Variants in OIT3 observed in about 807,000 individuals in gnomAD.
OIT3 encodes the protein oncoprotein-induced transcript 3 protein.
In OIT3, 41 loss-of-function variants were observed where a neutral mutation model predicts 52.2. That is an observed-to-expected ratio of 0.79 (90% CI 0.61 to 1.02). The LOEUF (loss-of-function observed/expected upper bound fraction) is 1.02, where lower values mean the gene tolerates loss of function less well. OIT3 is among the 50% of genes least tolerant of loss of function. The pLI is 0.00. For synonymous variants in OIT3, 244 were observed against 276.9 expected (o/e 0.88, Z 1.18); for missense variants, 634 against 715.5 (o/e 0.89, Z 1.30).
intron 5 of OIT3, among the ~76,000 whole-genome samples, chr10:72,912,838 A>G (rs1330657143): frequency 6.6e-6 from 1 of 152,160 alleles, no homozygotes; most frequent in African/African-American, 2.4e-5. Flanking sequence ...CAATGCAAGG[A>G]CAATTTGGAA....
chr10:72,897,999 TC>T (rs1221459172), intron 1 of OIT3, among the ~76,000 whole-genome samples: 1 of 151,916 alleles, frequency 6.6e-6, no homozygotes, highest in East Asian at 1.9e-4. Context: ...AAATACAGTC[TC>T]CGGCCGAGCA....
chr10:72,929,588 T>A (rs1846197988), intron 7 of OIT3, among the ~76,000 whole-genome samples: 1 of 151,916 alleles, frequency 6.6e-6, no homozygotes, highest in African/African-American at 2.4e-5. Context: ...TTTTTTTTTT[T>A]TAGAGACAAG....
rs1403264669 is a variant in OIT3 at position 72,932,345 on chromosome 10, T to G, written c.1468-9T>G. On this transcript the variant is annotated splice_polypyrimidine_tract_variant and intron_variant, in intron 8 of 8. Transcript: ENST00000334011. ...TTGTTTTTATTAACAGTCGTGATCATCTCTTCAGGAAGTGTTTCTGCACTG... is the reference window on the plus strand; with the variant it reads ...TTGTTTTTATTAACAGTCGTGATCAGCTCTTCAGGAAGTGTTTCTGCACTG... 1 of 1,613,878 alleles carries G rather than the reference T, an allele frequency of 6.2e-7. No individual in the cohort carries two copies. The highest frequency in any genetic ancestry group is 2.2e-5 in the East Asian group (1 of 44,870).
At chr10:72,923,806 G>C (rs1846142063) in intron 6 of OIT3, among the ~76,000 whole-genome samples, 1 of 152,174 alleles carries the variant, frequency 6.6e-6, no homozygotes, top group African/African-American at 2.4e-5. Context: ...CTTTCAGACA[G>C]TTTGGACACC....
chr10:72,919,291 C>CA (rs1482056027), intron 6 of OIT3, among the ~76,000 whole-genome samples: 3 of 152,070 alleles, frequency 2.0e-5, no homozygotes, highest in Non-Finnish European at 4.4e-5. Context: ...ATTTTTGCAC[C>CA]ATTGATTTTG....
rs1846029787 is a variant in OIT3 at position 72,911,751 on chromosome 10, C to T, written c.702C>T (p.Cys234=). 1.9e-6 allele frequency: 3 copies of T among 1,613,680 alleles called. No homozygotes were observed. The highest frequency in any genetic ancestry group is 2.5e-6 in the Non-Finnish European group (3 of 1,179,812). ...GATGCCACAATAACAATGGTGGCTG[C>T]AGCCACTCTTGCCTTGGATCTGAGA... ...VEGCHNNNGG[C]SHSCLGSEKG... Residue 234 remains cysteine (C), a synonymous_variant, in exon 5 of 9, where the codon TGC becomes TGT. Transcript: ENST00000334011.
intron 4 of OIT3, among the ~76,000 whole-genome samples, chr10:72,910,908 T>C (rs948131885): frequency 2.0e-5 from 3 of 152,224 alleles, no homozygotes; most frequent in African/African-American, 4.8e-5. Context: ...AATAAAACTT[T>C]ATTTGTAATA....
chr10:72,897,230 ACCAGGCTGGTCT>A (rs1845882683), intron 1 of OIT3, among the ~76,000 whole-genome samples: 1 of 152,012 alleles, frequency 6.6e-6, no homozygotes, highest in African/African-American at 2.4e-5. Flanking sequence ...CACCATGTTG[ACCAGGCTGGTCT>A]CGAACTCCTG....
At chr10:72,929,869 C>A (rs1022336265) in intron 7 of OIT3, among the ~76,000 whole-genome samples, 1 of 152,152 alleles carries the variant, frequency 6.6e-6, no homozygotes, top group Non-Finnish European at 1.5e-5. Context: ...CCCCAGCTAA[C>A]CCTGAAGTGA....
chr10:72,932,225 T>G, intron 8 of OIT3, 129 bp from the exon 9 acceptor site: 1 of 832,486 alleles, frequency 1.2e-6, no homozygotes, highest in Admixed American at 2.2e-5. Context: ...GATGATAAAC[T>G]CTACTTGTGG....
chr10:72,899,136 A>G (rs891542261), intron 2 of OIT3, 98 bp downstream of exon 2: 5 of 1,060,000 alleles, frequency 4.7e-6, no homozygotes, highest in Non-Finnish European at 6.9e-6. Flanking sequence ...TGGCAACTAT[A>G]TCTCAATCTG....
chr10:72,913,433 C>A lies in OIT3; in HGVS notation c.916C>A (p.Leu306Ile), dbSNP rs1171552605. The A allele has an allele frequency of 2.6e-5, 42 of 1,612,872 alleles. No homozygotes were observed. The highest frequency in any genetic ancestry group is 3.6e-5 in the Non-Finnish European group (42 of 1,179,026). ...GTCCAACGGCACCCATGTCAACATC[C>A]TCTTCTCTCTCAAGACATGTGGTAC... ...GVSNGTHVNI[L>I]FSLKTCGTVV... is the part of the protein sequence containing the mutation. The change falls in exon 6 of 9, where the codon CTC (leucine) becomes ATC (isoleucine). Residue 306 changes from leucine (L) to isoleucine (I), a missense_variant. Coordinates refer to ENST00000334011, the MANE Select transcript of OIT3 (RefSeq NM_152635.3).
intron 7 of OIT3, among the ~76,000 whole-genome samples, chr10:72,926,357 A>G (rs922223400): frequency 1.3e-5 from 2 of 152,198 alleles, no homozygotes; most frequent in Non-Finnish European, 2.9e-5. Flanking sequence ...ACAAATAGCA[A>G]TGCCCCAACC....
chr10:72,925,922 T>C (rs1047692905), intron 7 of OIT3, among the ~76,000 whole-genome samples: 7 of 152,244 alleles, frequency 4.6e-5, no homozygotes. Context: ...ACTTGTTTTA[T>C]ACAAAAGAGA....
At chr10:72,896,344 A>G (rs987822686) in intron 1 of OIT3, among the ~76,000 whole-genome samples, 5 of 152,218 alleles carry the variant, frequency 3.3e-5, no homozygotes, top group African/African-American at 1.2e-4. Flanking sequence ...TTTGTAAGAA[A>G]AAGTCACAGC....
chr10:72,896,262 T>C (rs1190001872), intron 1 of OIT3, among the ~76,000 whole-genome samples: 1 of 152,174 alleles, frequency 6.6e-6, no homozygotes, highest in Non-Finnish European at 1.5e-5. Flanking sequence ...TCTTATAAAA[T>C]TAGAGCCAGG....
chr10:72,915,793 G>C (rs1458902955), intron 6 of OIT3, among the ~76,000 whole-genome samples: 1 of 151,954 alleles, frequency 6.6e-6, no homozygotes, highest in Non-Finnish European at 1.5e-5. Context: ...TACAATGAGA[G>C]CTAAAACAAG....
At chr10:72,905,577 C>T (rs932975971) in intron 3 of OIT3, among the ~76,000 whole-genome samples, 9 of 152,178 alleles carry the variant, frequency 5.9e-5, no homozygotes, top group Non-Finnish European at 1.3e-4. Flanking sequence ...CTCCTGTCAG[C>T]ATCACAGATG....
chr10:72,911,859 G>A lies in OIT3; in HGVS notation c.790+20G>A, dbSNP rs751893795. The stretch of plus-strand genomic sequence containing the variant: ...GCCAAGGTAGTACATGGGGCAGGGG[G>A]ACTTGTCTCTACTCTGATTACACTT... On this transcript the variant is annotated intron_variant, in intron 5 of 8. Coordinates refer to ENST00000334011, the MANE Select transcript of OIT3 (RefSeq NM_152635.3). The A allele has an allele frequency of 2.5e-6, 4 of 1,604,510 alleles. No homozygotes were observed. The African/African-American group carries it at 5.4e-5, about 22-fold the overall frequency.
Sources: gnomAD v4.1 joint callset for allele counts (sites outside exome capture counted in the v4.1 genomes callset) on GRCh38, gnomAD v4.1.1 for gene constraint, MANE v1.5 for transcripts, NCBI Gene and HGNC (gene_info 2026-07-23, HGNC 2026-07-21) for gene names.